ZNF536: variants seen among roughly 807,000 people sequenced by gnomAD.
ZNF536 encodes zinc finger protein 536.
In ZNF536, 13 loss-of-function variants were observed where a neutral mutation model predicts 84.5. The ratio of observed to expected loss-of-function variants is 0.15; its 90% CI spans 0.10 to 0.24. The LOEUF is 0.24. Among genes scored for constraint, ZNF536 ranks in the 10% least tolerant of loss-of-function variants. The pLI is 1.00. For synonymous variants in ZNF536, 811 were observed against 742.5 expected, an observed-to-expected ratio of 1.09 and a Z score of -1.50; for missense variants, 1,536 against 1,747.5, an observed-to-expected ratio of 0.88 and a Z score of 2.16.
intron 2 of ZNF536, among the ~76,000 whole-genome samples, chr19:30,504,695 G>GTACCC (rs1555785065): frequency 6.9e-6 from 1 of 144,906 alleles, no homozygotes; most frequent in Non-Finnish European, 1.5e-5. Context: ...CCTCCCATGA[G>GTACCC]TACCCACCCA....
At chr19:30,303,751 C>T (rs1458718060) in intron 2 of ZNF536, among the ~76,000 whole-genome samples, 1 of 152,188 alleles carries the variant, frequency 6.6e-6, no homozygotes, top group Non-Finnish European at 1.5e-5. Flanking sequence ...CCTCGGCCTC[C>T]CAAAGTGCTG....
At chr19:30,639,402 G>T (rs905260166) in intron 1 of ZNF536, among the ~76,000 whole-genome samples, 1 of 152,090 alleles carries the variant, frequency 6.6e-6, no homozygotes, top group African/African-American at 2.4e-5. Flanking sequence ...TGTCTTTTTT[G>T]TACTAAGTCT....
intron 1 of ZNF536, among the ~76,000 whole-genome samples, chr19:30,614,368 G>A (rs2048206751): frequency 7.0e-6 from 1 of 142,838 alleles, no homozygotes; most frequent in Non-Finnish European, 1.5e-5. Flanking sequence ...CCCTGTTGAT[G>A]AACAATTTGA....
At chr19:30,523,042 T>G (rs893367815) in intron 2 of ZNF536, among the ~76,000 whole-genome samples, 3 of 152,082 alleles carry the variant, frequency 2.0e-5, no homozygotes, top group African/African-American at 7.2e-5. Context: ...TTTAGAGCTT[T>G]GGAGGAGCTG....
chr19:30,649,547 T>TC (rs1354840229), intron 1 of ZNF536, among the ~76,000 whole-genome samples: 1 of 133,454 alleles, frequency 7.5e-6, no homozygotes, highest in Admixed American at 8.1e-5. Flanking sequence ...AGCAGCATTT[T>TC]CCTTTTTTTT....
intron 1 of ZNF536, among the ~76,000 whole-genome samples, chr19:30,686,150 A>G (rs1222266388): frequency 6.6e-6 from 1 of 152,080 alleles, no homozygotes; most frequent in Non-Finnish European, 1.5e-5. Context: ...CCCTCCTTGC[A>G]GTCCTCATTT....
chr19:30,254,260 G>A (rs1369136820), intron 1 of ZNF536, among the ~76,000 whole-genome samples: 2 of 152,154 alleles, frequency 1.3e-5, no homozygotes, highest in East Asian at 3.9e-4. Context: ...CTGGTGCTCC[G>A]AATGCTCTTC....
chr19:30,455,977 T>C (rs186686191), intron 2 of ZNF536, among the ~76,000 whole-genome samples: 2 of 152,348 alleles, frequency 1.3e-5, no homozygotes, highest in African/African-American at 4.8e-5. Flanking sequence ...AGTTTTCCTG[T>C]AAAGAACCAG....
intron 2 of ZNF536, among the ~76,000 whole-genome samples, chr19:30,503,701 C>T (rs2055043054): frequency 6.6e-6 from 1 of 152,190 alleles, no homozygotes; most frequent in Non-Finnish European, 1.5e-5. Context: ...GGGTCAAGCC[C>T]TCGTGGGAGT....
intron 1 of ZNF536, among the ~76,000 whole-genome samples, chr19:30,406,063 C>T (rs2050250970): frequency 6.6e-6 from 1 of 152,216 alleles, no homozygotes; most frequent in Non-Finnish European, 1.5e-5. Flanking sequence ...AGGCGTGAGC[C>T]ACCACGCCCA....
At chr19:30,659,326 C>T (rs12979512) in intron 1 of ZNF536, among the ~76,000 whole-genome samples, 35,531 of 151,660 alleles carry the variant, frequency 0.23, 5,133 homozygotes, top group African/African-American at 0.4. Flanking sequence ...AGGTGCCACA[C>T]ACATTTAAAC....
intron 2 of ZNF536, among the ~76,000 whole-genome samples, chr19:30,523,169 G>A (rs971961471): frequency 1.3e-5 from 2 of 152,106 alleles, no homozygotes; most frequent in African/African-American, 2.4e-5. Flanking sequence ...CCAGGGACAC[G>A]AACACTGAAA....
chr19:30,282,058 C>T (rs776010407), intron 1 of ZNF536, among the ~76,000 whole-genome samples: 1 of 152,204 alleles, frequency 6.6e-6, no homozygotes, highest in African/African-American at 2.4e-5. Flanking sequence ...TCCCTTCCTC[C>T]CCACCCTGCA....
chr19:30,696,828 G>C (rs180866334), intron 1 of ZNF536, among the ~76,000 whole-genome samples: 2 of 152,238 alleles, frequency 1.3e-5, no homozygotes, highest in Admixed American at 1.3e-4. Flanking sequence ...GCTGAAATCT[G>C]GCGACATCTA....
chr19:30,691,788 G>A (rs1308407354), intron 1 of ZNF536, among the ~76,000 whole-genome samples: 2 of 152,350 alleles, frequency 1.3e-5, no homozygotes, highest in East Asian at 3.9e-4. Context: ...TCCAACTGCA[G>A]TTACGAGGCA....
rs779298668 is a variant in ZNF536, at chr19:30,264,392, CCT to C, written c.-189-19677_-189-19676del. Among the ~76,000 whole-genome samples the C allele has an allele frequency of 1.4e-3, 115 of 82,162 alleles. No individual in the cohort carries two copies. In the East Asian group the frequency reaches 0.026, roughly 19 times the overall value. The allele number at this position is 82,162 out of a possible 152,430, so 53.9% of individuals were successfully genotyped here. On this transcript the variant is annotated intron_variant, in intron 1 of 5. Transcript: ENST00000585628. ...CAGGCCCCCGCCCCCCGCAGTTGTG[CCT>C]CTGTGTGTGTGTGTGTGTGTGTGTG...
chr19:30,657,908 T>C (rs2049973763), intron 1 of ZNF536, among the ~76,000 whole-genome samples: 1 of 152,144 alleles, frequency 6.6e-6, no homozygotes, highest in African/African-American at 2.4e-5. Flanking sequence ...GCCAAACTGA[T>C]CTAACAGACC....
intron 2 of ZNF536, among the ~76,000 whole-genome samples, chr19:30,331,967 T>C (rs2146405165): frequency 6.6e-6 from 1 of 152,324 alleles, no homozygotes; most frequent in Non-Finnish European, 1.5e-5. Flanking sequence ...CTCATGCACC[T>C]GATGAATCTT....
intron 1 of ZNF536, among the ~76,000 whole-genome samples, chr19:30,684,793 G>A (rs1269181094): frequency 7.9e-5 from 12 of 152,186 alleles, no homozygotes; most frequent in Non-Finnish European, 1.8e-4. Context: ...GCTGATTGAC[G>A]CAGGGGGCGG....
Sources: gnomAD v4.1 joint callset for allele counts (sites outside exome capture counted in the v4.1 genomes callset) on GRCh38, gnomAD v4.1.1 for gene constraint, MANE v1.5 for transcripts, NCBI Gene and HGNC (gene_info 2026-07-23, HGNC 2026-07-21) for gene names.